CCNC: variants seen among roughly 807,000 people sequenced by gnomAD.
The protein encoded by CCNC is cyclin-C.
CCNC carries 19 observed loss-of-function variants against 50.0 expected under a neutral mutation model. That is an observed-to-expected ratio of 0.38 (90% CI 0.27 to 0.56). CCNC has a LOEUF of 0.56. Among genes scored for constraint, CCNC ranks in the 20% least tolerant of loss-of-function variants. CCNC has a pLI of 0.72. For synonymous variants in CCNC, 93 were observed against 103.7 expected (o/e 0.90, Z 0.63); for missense variants, 200 against 327.1 (o/e 0.61, Z 3.00).
chr6:99,556,781 C>T (rs1381355428), intron 5 of CCNC, among the ~76,000 whole-genome samples: 1 of 152,156 alleles, frequency 6.6e-6, no homozygotes, highest in Admixed American at 6.5e-5. Flanking sequence ...ATTAGCCCGG[C>T]GTGGTGGCAC....
rs1320558488 is a variant in CCNC at position 99,551,132 on chromosome 6, ATT to A, written c.403-106_403-105del. 5.4e-6 allele frequency: 3 copies of A among 555,784 alleles called. No individual in the cohort carries two copies. In the African/African-American group the frequency reaches 5.9e-5, roughly 11 times the overall value. 34.4% of individuals were successfully genotyped at this position (555,784 alleles called of 1,614,324 possible). A position where few individuals can be genotyped will look rare whatever the true frequency, so the allele number is the denominator to read the frequency against. ...CAGACATTATAGTAATTTATCAAAAATTTTTACTAAAAAGTTTTAAAAATCCA... is the reference window on the plus strand; with the variant it reads ...CAGACATTATAGTAATTTATCAAAAATTTACTAAAAAGTTTTAAAAATCCA... On this transcript the variant is annotated intron_variant, in intron 6 of 11. Coordinates refer to ENST00000520429, the MANE Select transcript of CCNC (RefSeq NM_005190.4).
At chr6:99,560,349 A>C (rs1802726793) in intron 4 of CCNC, among the ~76,000 whole-genome samples, 1 of 152,162 alleles carries the variant, frequency 6.6e-6, no homozygotes, top group African/African-American at 2.4e-5. Flanking sequence ...AGAAAACATA[A>C]ACTTCTAGAA....
At chr6:99,564,697 T>C (rs1769044716) in intron 1 of CCNC, among the ~76,000 whole-genome samples, 1 of 151,932 alleles carries the variant, frequency 6.6e-6, no homozygotes. Context: ...AATCATTTGT[T>C]TGTCAAATAA....
intron 11 of CCNC, chr6:99,544,311 C>T (rs1801988722): frequency 6.6e-7 from 1 of 1,526,130 alleles, no homozygotes. Flanking sequence ...GTTTGAATGA[C>T]TGCCTTAAAC....
intron 5 of CCNC, among the ~76,000 whole-genome samples, chr6:99,556,698 G>A: frequency 6.6e-6 from 1 of 152,148 alleles, no homozygotes; most frequent in East Asian, 1.9e-4. Context: ...AGCACTTTGG[G>A]AGGCCTGAGG....
chr6:99,568,782 G>A (rs1441097899), upstream of CCNC: 3 of 1,223,806 alleles, frequency 2.5e-6, no homozygotes, highest in Non-Finnish European at 3.2e-6. Flanking sequence ...CGGAGGGGAG[G>A]TGCTGACCCT....
At chr6:99,545,790 G>A (rs1802043933) in intron 10 of CCNC, among the ~76,000 whole-genome samples, 1 of 152,152 alleles carries the variant, frequency 6.6e-6, no homozygotes, top group African/African-American at 2.4e-5. Flanking sequence ...CATTCTGCCA[G>A]GAGATAGGCT....
chr6:99,549,918 C>T (rs1401324303), intron 8 of CCNC, among the ~76,000 whole-genome samples: 1 of 151,604 alleles, frequency 6.6e-6, no homozygotes, highest in Non-Finnish European at 1.5e-5. Flanking sequence ...TTGCAGACTA[C>T]CAAAAAGTAT....
chr6:99,544,415 T>C (rs1801992044), intron 11 of CCNC: 4 of 735,946 alleles, frequency 5.4e-6, no homozygotes, highest in Non-Finnish European at 8.5e-6. Flanking sequence ...ACAATCATTT[T>C]TCTAAAGAAA....
rs554955921 is a variant in CCNC, at chr6:99,545,260, T to G, written c.679-30A>C. On this transcript the variant is annotated intron_variant, in intron 10 of 11. Coordinates refer to ENST00000520429, the MANE Select transcript of CCNC (RefSeq NM_005190.4). ...AAGAAAATATTTGAAAAGTTCTCAG[T>G]GGCAAAAACAAGCAACATTTTTTAT... 28 of 1,209,086 alleles carry G rather than the reference T, an allele frequency of 2.3e-5. No homozygotes were observed. In the South Asian group the frequency reaches 3.3e-4, roughly 14 times the overall value. 74.9% of individuals were successfully genotyped at this position (1,209,086 alleles called of 1,614,324 possible). A position where few individuals can be genotyped will look rare whatever the true frequency, so the allele number is the denominator to read the frequency against.
At chr6:99,557,169 T>A (rs1183476872) in intron 5 of CCNC, 1 of 152,232 alleles carries the variant, frequency 6.6e-6, no homozygotes, top group Non-Finnish European at 1.5e-5. Flanking sequence ...TCTGGATTCA[T>A]GAAACAATCT....
At chr6:99,544,635 C>T (rs1802002230) in intron 11 of CCNC, among the ~76,000 whole-genome samples, 1 of 151,512 alleles carries the variant, frequency 6.6e-6, no homozygotes. Flanking sequence ...TGCCATGGAC[C>T]TTAGGGTCAC....
In CCNC at chr6:99,568,654, C is replaced by A. The variant is rs949128636; in HGVS notation, c.-127G>T. The A allele has an allele frequency of 9.2e-6, 14 of 1,524,330 alleles. No individual in the cohort carries two copies. The African/African-American group carries it at 1.5e-4, about 17-fold the overall frequency. 94.4% of individuals were successfully genotyped at this position (1,524,330 alleles called of 1,614,324 possible). A position where few individuals can be genotyped will look rare whatever the true frequency, so the allele number is the denominator to read the frequency against. ...AGCTCGGCTCGACTCCGCTCCGCGG[C>A]GGCGACGGCGAAAGGAAGAGGATGG... On this transcript the variant is annotated 5_prime_UTR_variant, in exon 1 of 12. Coordinates refer to ENST00000520429, the MANE Select transcript of CCNC (RefSeq NM_005190.4).
intron 4 of CCNC, among the ~76,000 whole-genome samples, chr6:99,560,405 A>C (rs749351094): frequency 2.8e-4 from 42 of 152,190 alleles, no homozygotes; most frequent in Non-Finnish European, 5.1e-4. Context: ...GTCATTATTT[A>C]GGTAACAGTT....
At chr6:99,546,023 C>T (rs1366531179) in intron 10 of CCNC, among the ~76,000 whole-genome samples, 1 of 152,064 alleles carries the variant, frequency 6.6e-6, no homozygotes, top group East Asian at 1.9e-4. Flanking sequence ...GGCTCGCGTG[C>T]AGTGGCACGA....
chr6:99,550,579 A>G, intron 7 of CCNC: 1 of 368,372 alleles, frequency 2.7e-6, no homozygotes, highest in Non-Finnish European at 4.9e-6. Context: ...TCAAAGTGTC[A>G]CATCTGCAAC....
chr6:99,561,937 C>T (rs1326195602), intron 2 of CCNC: 1 of 234,992 alleles, frequency 4.3e-6, no homozygotes, highest in South Asian at 1.5e-4. Context: ...ATTATTCATC[C>T]ATTAAGGAAG....
In CCNC at chr6:99,545,779, C is replaced by T. The variant is rs150488059; in HGVS notation, c.679-549G>A. 2.0e-3 allele frequency among the ~76,000 whole-genome samples: 309 copies of T among 152,234 alleles called. 1 individual carries two copies. The highest frequency in any genetic ancestry group is 7.1e-3 in the African/African-American group (296 of 41,540). On this transcript the variant is annotated intron_variant, in intron 10 of 11. Transcript: ENST00000520429. Reference sequence around the variant, plus strand: ...AGAAAAGCTAGAAACACAGCAAAAGCCATTCTGCCAGGAGATAGGCTATGT... The same window carrying T: ...AGAAAAGCTAGAAACACAGCAAAAGTCATTCTGCCAGGAGATAGGCTATGT...
At chr6:99,567,097 T>C in intron 1 of CCNC, 1 of 245,266 alleles carries the variant, frequency 4.1e-6, no homozygotes, top group Non-Finnish European at 8.3e-6. Context: ...TTATAATAAT[T>C]TTATATTTGA....
Sources: gnomAD v4.1 joint callset for allele counts (sites outside exome capture counted in the v4.1 genomes callset) on GRCh38, gnomAD v4.1.1 for gene constraint, MANE v1.5 for transcripts, NCBI Gene and HGNC (gene_info 2026-07-23, HGNC 2026-07-21) for gene names.